The following DDX31 variants were observed in gnomAD, a reference collection of about 807,000 sequenced individuals.
The protein encoded by DDX31 is ATP-dependent DNA helicase DDX31.
A neutral mutation model predicts 91.3 loss-of-function variants in DDX31; 70 were observed. That is an observed-to-expected ratio of 0.77 (90% CI 0.63 to 0.94). The LOEUF (loss-of-function observed/expected upper bound fraction) is 0.94. Ranked by LOEUF, DDX31 falls within the 40% of genes least tolerant of loss-of-function variation. DDX31 has a pLI of 0.00. For synonymous variants in DDX31, 362 were observed against 350.6 expected (o/e 1.03, Z -0.36); for missense variants, 902 against 925.0 (o/e 0.98, Z 0.32).
At chr9:132,665,781 A>C (rs1036119237) in intron 1 of DDX31, among the ~76,000 whole-genome samples, 2 of 152,222 alleles carry the variant, frequency 1.3e-5, no homozygotes, top group Non-Finnish European at 2.9e-5. Flanking sequence ...GCCAAGGAGT[A>C]TACTAAGTAC....
rs749935114 is a variant in DDX31 at position 132,662,707 on chromosome 9, C to T, written c.76-12G>A. On this transcript the variant is annotated splice_polypyrimidine_tract_variant and intron_variant, in intron 1 of 19. Transcript: ENST00000372159. The stretch of plus-strand genomic sequence containing the variant: ...GTAGCCTTTGCTTGCTGCGTTGTTC[C>T]CAGAAGGAAAGATCAACAAGAGATG... 1.9e-6 allele frequency: 3 copies of T among 1,613,672 alleles called. No individual in the cohort carries two copies. The highest frequency in any genetic ancestry group is 2.2e-5 in the South Asian group (2 of 91,056).
Position 132,612,360 on chromosome 9 carries a change from C to T in DDX31, c.1826-105G>A, listed in dbSNP as rs575981819. ...TTCTGTACTTTATCTTGCCAGGCAA[C>T]GAAACATGAGCAGGACAATTACAAC... On this transcript the variant is annotated intron_variant, in intron 18 of 19. Coordinates refer to ENST00000372159, the MANE Select transcript of DDX31 (RefSeq NM_022779.9). 5.6e-5 allele frequency: 74 copies of T among 1,310,164 alleles called. No individual in the cohort carries two copies. In the East Asian group the frequency reaches 1.0e-3, roughly 19 times the overall value. The allele number at this position is 1,310,164 out of a possible 1,614,324, so 81.2% of individuals were successfully genotyped here. A position where few individuals can be genotyped will look rare whatever the true frequency, so the allele number is the denominator to read the frequency against.
chr9:132,635,868 C>T (rs867512885), intron 14 of DDX31, among the ~76,000 whole-genome samples: 1 of 151,690 alleles, frequency 6.6e-6, no homozygotes. Context: ...TGCTTGAACC[C>T]GGGAGGTGGA....
At chr9:132,602,671 GA>G (rs1270743387) in intron 19 of DDX31, among the ~76,000 whole-genome samples, 9 of 152,124 alleles carry the variant, frequency 5.9e-5, no homozygotes, top group Non-Finnish European at 8.8e-5. Context: ...CCAAAGAATA[GA>G]AAACATCTAC....
At chr9:132,614,166 C>A (rs1164042178) in intron 18 of DDX31, among the ~76,000 whole-genome samples, 5 of 152,158 alleles carry the variant, frequency 3.3e-5, no homozygotes, top group African/African-American at 1.2e-4. Flanking sequence ...AGCAGATCAG[C>A]TCCTGGAAGG....
chr9:132,646,882 C>T lies in DDX31; in HGVS notation c.1144G>A (p.Val382Met). Residue 382 changes from valine (V) to methionine (M), a missense_variant, in exon 12 of 20, where the codon GTG becomes ATG. Transcript: ENST00000372159. ...ACAAGCCTCAGTTTGCTGGGAACCA[C>T]AGTCACATGCTGCTTGAGACTCTCT... ...IPESLKQHVTVVPSKLRLVCL... is the reference protein window; with the variant it reads ...IPESLKQHVTMVPSKLRLVCL... 1 of 1,614,178 alleles carries T rather than the reference C, an allele frequency of 6.2e-7. No individual in the cohort carries two copies. The highest frequency in any genetic ancestry group is 8.5e-7 in the Non-Finnish European group (1 of 1,180,026).
At chr9:132,604,749 A>T (rs1394691140) in intron 19 of DDX31, among the ~76,000 whole-genome samples, 1 of 152,036 alleles carries the variant, frequency 6.6e-6, no homozygotes, top group African/African-American at 2.4e-5. Flanking sequence ...ATACTGCCAC[A>T]TCTGTCCTCG....
chr9:132,638,241 T>TA, intron 14 of DDX31: 1 of 1,587,564 alleles, frequency 6.3e-7, no homozygotes. Context: ...ATGTCAGCCT[T>TA]AAAATCAGGT....
intron 16 of DDX31, among the ~76,000 whole-genome samples, chr9:132,627,771 A>G (rs1368506459): frequency 6.6e-6 from 1 of 152,138 alleles, no homozygotes; most frequent in African/African-American, 2.4e-5. Flanking sequence ...GCAGTGCTCG[A>G]TCTAGGAAGG....
chr9:132,638,281 G>A (rs375210059), intron 14 of DDX31: 264 of 1,608,038 alleles, frequency 1.6e-4, no homozygotes, highest in Non-Finnish European at 2.0e-4. Context: ...CCGGCCATTC[G>A]GTGGTACTTC....
At chr9:132,638,229 T>G (rs1833247644) in intron 14 of DDX31, 4 of 1,569,340 alleles carry the variant, frequency 2.5e-6, no homozygotes, top group Non-Finnish European at 3.5e-6. Flanking sequence ...ACAGAAAACC[T>G]AATGTCAGCC....
intron 17 of DDX31, among the ~76,000 whole-genome samples, chr9:132,619,051 C>T (rs535731026): frequency 6.6e-6 from 1 of 152,336 alleles, no homozygotes; most frequent in African/African-American, 2.4e-5. Flanking sequence ...CAGGACAACA[C>T]ACTCAAAGAC....
intron 14 of DDX31, among the ~76,000 whole-genome samples, 163 bp from the exon 15 acceptor site, chr9:132,632,254 A>ACACACACAGTCCTG (rs1832809474): frequency 1.0e-5 from 1 of 99,082 alleles, no homozygotes; most frequent in Non-Finnish European, 1.9e-5. Context: ...ACACACACAC[A>ACACACACAGTCCTG]CACACACACA....
intron 14 of DDX31, among the ~76,000 whole-genome samples, chr9:132,640,157 T>G (rs306534): frequency 1.3e-5 from 2 of 152,000 alleles, no homozygotes; most frequent in African/African-American, 4.8e-5. Context: ...GCAGACCAGG[T>G]GGGATGATCA....
chr9:132,608,760 G>A (rs1831165286), intron 19 of DDX31, among the ~76,000 whole-genome samples: 1 of 152,174 alleles, frequency 6.6e-6, no homozygotes, highest in Admixed American at 6.5e-5. Context: ...GATTTCAGAG[G>A]AGACGTTTCA....
chr9:132,655,218 T>A (rs1564332560), intron 6 of DDX31, among the ~76,000 whole-genome samples: 6 of 152,160 alleles, frequency 3.9e-5, no homozygotes. Context: ...ATACTGAACA[T>A]AATATAAATT....
At chr9:132,629,471 G>A (rs1224472537) in intron 16 of DDX31, among the ~76,000 whole-genome samples, 7 of 152,232 alleles carry the variant, frequency 4.6e-5, no homozygotes, top group Non-Finnish European at 1.0e-4. Context: ...CAGGTGTGGT[G>A]GGGACAGCCA....
Position 132,632,241 on chromosome 9 carries a change from TAC to T in DDX31, c.1441-152_1441-151del, listed in dbSNP as rs57020423. On this transcript the variant is annotated intron_variant, in intron 14 of 19. Transcript: ENST00000372159. ...CATACACGTATATGCCCAGTACGTG[TAC>T]ACACACACACACACACACACACACA... 9.5e-3 allele frequency: 897 copies of T among 93,932 alleles called. 11 individuals are homozygous for T. The highest frequency in any genetic ancestry group is 0.012 in the Non-Finnish European group (637 of 51,840). 5.8% of individuals were successfully genotyped at this position (93,932 alleles called of 1,614,324 possible).
intron 1 of DDX31, among the ~76,000 whole-genome samples, chr9:132,667,458 C>G (rs1227546730): frequency 6.6e-6 from 1 of 151,846 alleles, no homozygotes; most frequent in East Asian, 1.9e-4. Context: ...AAAAAATTAG[C>G]CGGGTGTGGT....
Sources: allele counts gnomAD v4.1 joint callset (sites outside exome capture counted in the v4.1 genomes callset), GRCh38; gene constraint gnomAD v4.1.1; transcripts MANE v1.5; gene names NCBI Gene and HGNC (gene_info 2026-07-23, HGNC 2026-07-21).